The following CIROZ variants were observed in gnomAD, a reference collection of about 807,000 sequenced individuals.
CIROZ encodes the protein ciliated left-right organizer protein containing ZP-N domains, also known as ciliated left-right organizer ZP-N domains-containing protein.
chr1:10,977,427 G>A, the CIROZ span, among the ~76,000 whole-genome samples: 1 of 152,154 alleles, frequency 6.6e-6, no homozygotes, highest in African/African-American at 2.4e-5. Context: ...AGATTGCAGT[G>A]AGATGAGATC....
At chr1:10,978,172 TAAAA>T in the CIROZ span, among the ~76,000 whole-genome samples, 2 of 126,830 alleles carry the variant, frequency 1.6e-5, no homozygotes, top group African/African-American at 2.9e-5. Context: ...AACTCCACAG[TAAAA>T]AAAAAAAAAA....
At chr1:10,949,937 A>G in the CIROZ span, 1 of 842,012 alleles carries the variant, frequency 1.2e-6, no homozygotes, top group Non-Finnish European at 1.8e-6. Context: ...TGGGGAGGTC[A>G]GATGCAAGTC....
the CIROZ span, among the ~76,000 whole-genome samples, chr1:10,961,913 C>T: frequency 6.6e-6 from 1 of 152,174 alleles, no homozygotes; most frequent in Admixed American, 6.5e-5. Flanking sequence ...CACCGCTGTA[C>T]GCCAGCCTAG....
At chr1:10,971,440 A>G in the CIROZ span, among the ~76,000 whole-genome samples, 1 of 152,052 alleles carries the variant, frequency 6.6e-6, no homozygotes, top group East Asian at 2.0e-4. Context: ...CACTTCCACA[A>G]TCCATGTGTT....
At chr1:10,972,072 G>A in the CIROZ span, among the ~76,000 whole-genome samples, 272 of 152,332 alleles carry the variant, frequency 1.8e-3, 1 homozygote, top group Middle Eastern at 6.8e-3. Context: ...GCTAAATATG[G>A]GTTAGGCACA....
the CIROZ span, among the ~76,000 whole-genome samples, chr1:10,977,815 A>G: frequency 6.6e-6 from 1 of 152,148 alleles, no homozygotes; most frequent in Non-Finnish European, 1.5e-5. Context: ...TCTCCAAATA[A>G]TGCTTAGTTT....
the CIROZ span, among the ~76,000 whole-genome samples, chr1:10,959,547 A>G: frequency 6.6e-6 from 1 of 152,154 alleles, no homozygotes; most frequent in Non-Finnish European, 1.5e-5. The surrounding 1 kb of genome is among the most constrained non-coding windows in gnomAD (Gnocchi z 4.3). Context: ...AGGTTGTGGC[A>G]CCGGACAGAG....
the CIROZ span, among the ~76,000 whole-genome samples, chr1:10,952,531 T>G: frequency 1.3e-5 from 2 of 152,186 alleles, no homozygotes; most frequent in African/African-American, 4.8e-5. Context: ...TGTTGTTTTT[T>G]GGTTTTGTTT....
chr1:10,949,520 T>C, the CIROZ span: 9 of 1,242,260 alleles, frequency 7.2e-6, no homozygotes, highest in Non-Finnish European at 1.0e-5. Flanking sequence ...GGAAGAATGG[T>C]GGTGAAAGAG....
At chr1:10,951,730 TA>T in the CIROZ span, among the ~76,000 whole-genome samples, 2,996 of 125,282 alleles carry the variant, frequency 0.024, 118 homozygotes, top group African/African-American at 0.074. Context: ...GTCTCTTATT[TA>T]AAAAAAAAAA....
chr1:10,967,423 C>G, the CIROZ span, among the ~76,000 whole-genome samples: 1 of 152,302 alleles, frequency 6.6e-6, no homozygotes. Flanking sequence ...AGTCCTTGTG[C>G]AAATGTTGCC....
the CIROZ span, chr1:10,958,656 C>T: frequency 1.9e-6 from 3 of 1,594,816 alleles, no homozygotes; most frequent in Non-Finnish European, 2.6e-6. Flanking sequence ...GAGCACCCAC[C>T]AGTCCTAGCA....
chr1:10,973,189 A>G, the CIROZ span, among the ~76,000 whole-genome samples: 1 of 152,030 alleles, frequency 6.6e-6, no homozygotes, highest in Non-Finnish European at 1.5e-5. Flanking sequence ...CTTGGCCAAC[A>G]TGGTGAAACC....
the CIROZ span, chr1:10,948,520 T>C: frequency 1.9e-6 from 3 of 1,613,928 alleles, no homozygotes; most frequent in Admixed American, 1.7e-5. Context: ...TCAGTCAGGG[T>C]GACAGATGGT....
the CIROZ span, among the ~76,000 whole-genome samples, chr1:10,975,639 A>C: frequency 1.3e-5 from 2 of 151,532 alleles, no homozygotes; most frequent in Admixed American, 1.3e-4. Flanking sequence ...GTGAACCCTC[A>C]GCACAGGGCC....
At chr1:10,970,165 G>A in the CIROZ span, 3 of 1,320,822 alleles carry the variant, frequency 2.3e-6, no homozygotes, top group Non-Finnish European at 2.0e-6. Context: ...AGAAAGGAAG[G>A]AAGGAAGGAA....
At chr1:10,964,253 C>T in the CIROZ span, 2 of 1,613,062 alleles carry the variant, frequency 1.2e-6, no homozygotes, top group South Asian at 2.2e-5. Context: ...ATTCTGATTT[C>T]CAGCCTGTAA....
chr1:10,947,201 G>GACTTGAACCTAGCTCCTGGC, the CIROZ span, among the ~76,000 whole-genome samples: 1 of 152,212 alleles, frequency 6.6e-6, no homozygotes, highest in Non-Finnish European at 1.5e-5. Context: ...GAGGAACTGG[G>GACTTGAACCTAGCTCCTGGC]ACTTGAACCT....
chr1:10,948,961 A>C, the CIROZ span: 55 of 1,023,210 alleles, frequency 5.4e-5, no homozygotes, highest in Non-Finnish European at 7.0e-5. Flanking sequence ...GCGGTGGCTC[A>C]CGACTGTAAT....
Sources: allele counts gnomAD v4.1 joint callset (sites outside exome capture counted in the v4.1 genomes callset), GRCh38; gene constraint gnomAD v4.1.1; non-coding constraint Gnocchi (gnomAD v3.1); transcripts MANE v1.5; gene names NCBI Gene and HGNC (gene_info 2026-07-23, HGNC 2026-07-21).